The following WRN variants were observed in gnomAD, a reference collection of about 807,000 sequenced individuals.
The protein encoded by WRN is WRN RecQ like helicase.
A neutral mutation model predicts 180.7 loss-of-function variants in WRN; 149 were observed. That is an observed-to-expected ratio of 0.82 (90% confidence interval 0.72 to 0.94). WRN has a LOEUF of 0.94. Ranked by LOEUF, WRN falls within the 40% of genes least tolerant of loss-of-function variation. The probability of loss-of-function intolerance (pLI) is 0.00; values close to 1 mark genes in which losing one functional copy is unlikely to be tolerated. For missense variants in WRN, 1,661 were observed against 1,700.1 expected, an observed-to-expected ratio of 0.98 and a Z score of 0.40; for synonymous variants, 548 against 568.9, an observed-to-expected ratio of 0.96 and a Z score of 0.52.
At chr8:31,093,057 G>A (rs529800903) in intron 16 of WRN, among the ~76,000 whole-genome samples, 3 of 152,168 alleles carry the variant, frequency 2.0e-5, no homozygotes, top group Non-Finnish European at 4.4e-5. Flanking sequence ...CTATCCTCCT[G>A]CCTCTCAAGT....
chr8:31,150,489 A>G (rs1803080931), intron 31 of WRN, 34 bp downstream of exon 31: 1 of 1,589,068 alleles, frequency 6.3e-7, no homozygotes, highest in Admixed American at 1.7e-5. Flanking sequence ...GCTCTTAGAG[A>G]ATAAGCATTT....
At position 31,094,382 on chromosome 8, in the gene WRN, G is replaced by C. The variant is rs1247648357; in HGVS notation, c.1899-2386G>C. ...TTTTTTTGAGTCAGGGTCTCCCTCT[G>C]TCTCCCGGGCTGGAGTGCACTTGCA... On this transcript the variant is annotated intron_variant, in intron 16 of 34. Transcript: ENST00000298139. 5.8e-5 allele frequency among the ~76,000 whole-genome samples: 8 copies of C among 138,496 alleles called. No homozygotes were observed. The Admixed American group carries it at 6.1e-4, about 11-fold the overall frequency. 90.9% of individuals were successfully genotyped at this position (138,496 alleles called of 152,430 possible). A position where few individuals can be genotyped will look rare whatever the true frequency, so the allele number is the denominator to read the frequency against.
At chr8:31,127,671 G>T (rs1801980512) in intron 23 of WRN, among the ~76,000 whole-genome samples, 1 of 152,072 alleles carries the variant, frequency 6.6e-6, no homozygotes, top group South Asian at 2.1e-4. Context: ...TAGCACTTTG[G>T]GAGGCTGAGG....
intron 17 of WRN, among the ~76,000 whole-genome samples, chr8:31,099,101 G>A (rs1426437623): frequency 1.3e-5 from 2 of 150,814 alleles, no homozygotes; most frequent in African/African-American, 2.4e-5. Flanking sequence ...GGAAGGAAGG[G>A]AGAAAGGAAG....
At chr8:31,058,286 A>G (rs1160201228) in intron 1 of WRN, 86 bp from the exon 2 acceptor site, 2 of 624,764 alleles carry the variant, frequency 3.2e-6, no homozygotes, top group Admixed American at 2.6e-5. Flanking sequence ...TCTAGCTCTT[A>G]TAACCTATGC....
chr8:31,156,899 T>C (rs1292515137), intron 32 of WRN, among the ~76,000 whole-genome samples: 1 of 152,232 alleles, frequency 6.6e-6, no homozygotes, highest in African/African-American at 2.4e-5. Flanking sequence ...GAACATTTTA[T>C]AGAATGCATC....
At chr8:31,096,957 T>G in intron 17 of WRN, 107 bp downstream of exon 17, 2 of 1,044,278 alleles carry the variant, frequency 1.9e-6, no homozygotes, top group Non-Finnish European at 2.9e-6. Flanking sequence ...ATTTCAAACA[T>G]TACTTCCTCC....
At chr8:31,066,130 G>A (rs569216795) in intron 5 of WRN, among the ~76,000 whole-genome samples, 1 of 151,816 alleles carries the variant, frequency 6.6e-6, no homozygotes, top group South Asian at 2.1e-4. Context: ...TGCCTGCCTC[G>A]GCCTCCCAAA....
chr8:31,081,571 G>A (rs570915833), intron 9 of WRN, among the ~76,000 whole-genome samples: 1 of 152,282 alleles, frequency 6.6e-6, no homozygotes, highest in African/African-American at 2.4e-5. Flanking sequence ...ATGATATGCA[G>A]CATTGTGTAG....
chr8:31,063,358 C>T (rs1812566766), intron 3 of WRN, among the ~76,000 whole-genome samples: 1 of 152,100 alleles, frequency 6.6e-6, no homozygotes, highest in African/African-American at 2.4e-5. Context: ...TTGGTTCAAT[C>T]CATTCTCTTG....
chr8:31,074,805 T>G (rs1813038593), intron 7 of WRN, among the ~76,000 whole-genome samples: 1 of 152,056 alleles, frequency 6.6e-6, no homozygotes, highest in Non-Finnish European at 1.5e-5. Context: ...AAGAGAGGAA[T>G]GGAAGGCTCA....
chr8:31,144,151 C>T (rs866843490), intron 28 of WRN, among the ~76,000 whole-genome samples: 3 of 152,090 alleles, frequency 2.0e-5, no homozygotes, highest in South Asian at 2.1e-4. Flanking sequence ...GGCAACCCTG[C>T]GTCAAACAGG....
chr8:31,059,490 GTTTT>G (rs924710091), intron 3 of WRN, among the ~76,000 whole-genome samples: 3 of 151,374 alleles, frequency 2.0e-5, no homozygotes, highest in Admixed American at 2.0e-4. Context: ...ACTTCAGACA[GTTTT>G]TTTTTAACTT....
intron 3 of WRN, among the ~76,000 whole-genome samples, chr8:31,059,685 T>C (rs375817700): frequency 1.3e-5 from 2 of 152,168 alleles, no homozygotes; most frequent in Non-Finnish European, 2.9e-5. Flanking sequence ...CATAGTAATA[T>C]TGAATAATGG....
At chr8:31,099,805 AT>A (rs1340384779) in intron 17 of WRN, among the ~76,000 whole-genome samples, 3 of 152,098 alleles carry the variant, frequency 2.0e-5, no homozygotes, top group Non-Finnish European at 4.4e-5. Flanking sequence ...GCCAGGCCCT[AT>A]TTTAGCATTT....
At chr8:31,052,986 A>G (rs139378622) in intron 1 of WRN, among the ~76,000 whole-genome samples, 6 of 152,322 alleles carry the variant, frequency 3.9e-5, no homozygotes, top group South Asian at 2.1e-4. Context: ...CAATTATTCT[A>G]TTAGAAGATA....
chr8:31,091,410 T>C (rs987969927), intron 15 of WRN, among the ~76,000 whole-genome samples: 1 of 152,132 alleles, frequency 6.6e-6, no homozygotes, highest in Admixed American at 6.6e-5. Flanking sequence ...CTTGATCAAA[T>C]CAGGGCATTT....
intron 7 of WRN, among the ~76,000 whole-genome samples, chr8:31,070,240 C>A (rs1812857457): frequency 6.6e-6 from 1 of 151,748 alleles, no homozygotes; most frequent in African/African-American, 2.4e-5. Flanking sequence ...TCCTTCCTTT[C>A]TGTTATTCAG....
intron 7 of WRN, among the ~76,000 whole-genome samples, chr8:31,075,693 C>T (rs1276391717): frequency 6.7e-6 from 1 of 149,860 alleles, no homozygotes; most frequent in Non-Finnish European, 1.5e-5. Flanking sequence ...GCATTCCAGC[C>T]TGGGTGACAG....
Sources: allele counts gnomAD v4.1 joint callset (sites outside exome capture counted in the v4.1 genomes callset), GRCh38; gene constraint gnomAD v4.1.1; transcripts MANE v1.5; gene names NCBI Gene and HGNC (gene_info 2026-07-23, HGNC 2026-07-21).